The following SSBP2 variants were observed in gnomAD, a reference collection of about 807,000 sequenced individuals.
SSBP2 encodes the protein single-stranded DNA-binding protein 2.
SSBP2 carries 17 observed loss-of-function variants against 61.8 expected under a neutral mutation model. That is an observed-to-expected ratio of 0.28 (90% CI 0.19 to 0.41). SSBP2 has a LOEUF of 0.41. Ranked by LOEUF, SSBP2 falls within the 10% of genes least tolerant of loss-of-function variation. The probability of loss-of-function intolerance (pLI) is 1.00; values close to 1 mark genes in which losing one functional copy is unlikely to be tolerated. For missense variants in SSBP2, 310 were observed against 458.7 expected (o/e 0.68, Z 2.96); for synonymous variants, 139 against 141.3 (o/e 0.98, Z 0.12).
intron 4 of SSBP2, among the ~76,000 whole-genome samples, chr5:81,526,157 C>A (rs569011600): frequency 6.6e-5 from 10 of 152,082 alleles, no homozygotes; most frequent in African/African-American, 2.2e-4. Flanking sequence ...CATTGTTTCA[C>A]CTTTTTCTTT....
chr5:81,552,549 ACT>A (rs1017485917), intron 4 of SSBP2, among the ~76,000 whole-genome samples: 4 of 151,736 alleles, frequency 2.6e-5, no homozygotes, highest in Admixed American at 2.6e-4. Flanking sequence ...GAGGCACAAG[ACT>A]CACTTGAACC....
intron 1 of SSBP2, among the ~76,000 whole-genome samples, chr5:81,693,579 G>A (rs1036607112): frequency 5.3e-5 from 8 of 152,254 alleles, no homozygotes; most frequent in Middle Eastern, 6.8e-3. Flanking sequence ...ATGAAAAGGC[G>A]CTCAACATCA....
At chr5:81,629,878 ACTCT>A (rs1259198587) in intron 3 of SSBP2, among the ~76,000 whole-genome samples, 5 of 152,108 alleles carry the variant, frequency 3.3e-5, no homozygotes, top group Non-Finnish European at 7.3e-5. Context: ...TTTAAGATCT[ACTCT>A]CTTAGCAAAT....
At chr5:81,735,160 AAT>A (rs964289246) in intron 1 of SSBP2, among the ~76,000 whole-genome samples, 39 of 152,252 alleles carry the variant, frequency 2.6e-4, no homozygotes, top group African/African-American at 9.1e-4. Context: ...AATTATATTA[AAT>A]ATATAGAGAT....
intron 4 of SSBP2, among the ~76,000 whole-genome samples, chr5:81,547,648 T>G (rs1164412305): frequency 6.6e-6 from 1 of 152,144 alleles, no homozygotes; most frequent in African/African-American, 2.4e-5. Flanking sequence ...TTTGTTTTTA[T>G]TTTTTGTAGA....
chr5:81,479,349 G>C (rs1469638422), intron 6 of SSBP2, among the ~76,000 whole-genome samples: 1 of 151,944 alleles, frequency 6.6e-6, no homozygotes, highest in Non-Finnish European at 1.5e-5. Context: ...GGAGTGCAGT[G>C]GTGTGATCTT....
chr5:81,581,920 T>C (rs892483666), intron 4 of SSBP2, among the ~76,000 whole-genome samples: 1 of 152,242 alleles, frequency 6.6e-6, no homozygotes, highest in African/African-American at 2.4e-5. Flanking sequence ...CATTCAGAAA[T>C]TTAGATTTAA....
chr5:81,535,400 C>A (rs1770729036), intron 4 of SSBP2, among the ~76,000 whole-genome samples: 1 of 152,016 alleles, frequency 6.6e-6, no homozygotes, highest in Admixed American at 6.6e-5. Flanking sequence ...AATAAAAATA[C>A]AACGAACTTA....
intron 4 of SSBP2, among the ~76,000 whole-genome samples, chr5:81,595,607 A>G (rs2153535917): frequency 6.6e-6 from 1 of 152,314 alleles, no homozygotes; most frequent in South Asian, 2.1e-4. Context: ...ATACTGGCAA[A>G]CTGAATCCAG....
At chr5:81,645,390 GA>G (rs1366224234) in intron 2 of SSBP2, among the ~76,000 whole-genome samples, 2 of 152,264 alleles carry the variant, frequency 1.3e-5, no homozygotes, top group Admixed American at 1.3e-4. Flanking sequence ...GAATCCCTTA[GA>G]TGTTTTTAAG....
intron 12 of SSBP2, among the ~76,000 whole-genome samples, chr5:81,445,138 T>TATATACATATATATA (rs1453692261): frequency 2.4e-4 from 8 of 33,894 alleles, no homozygotes; most frequent in African/African-American, 7.2e-4. Context: ...AAAAAAAATT[T>TATATACATATATATA]TATATATATA....
At chr5:81,571,990 A>G (rs1428972568) in intron 4 of SSBP2, among the ~76,000 whole-genome samples, 1 of 152,176 alleles carries the variant, frequency 6.6e-6, no homozygotes, top group Admixed American at 6.5e-5. Flanking sequence ...TAGCTGCCTA[A>G]TAAAAAAGTT....
intron 6 of SSBP2, among the ~76,000 whole-genome samples, chr5:81,478,394 G>A (rs1174240308): frequency 6.6e-6 from 1 of 151,914 alleles, no homozygotes; most frequent in Admixed American, 6.6e-5. Flanking sequence ...AGGCTGGAGT[G>A]CAGTGGTGCA....
chr5:81,735,625 C>T (rs1033193643), intron 1 of SSBP2, among the ~76,000 whole-genome samples: 2 of 151,994 alleles, frequency 1.3e-5, no homozygotes, highest in Non-Finnish European at 2.9e-5. Flanking sequence ...TTTTGATTTT[C>T]GAATATTTTT....
At position 81,417,445 on chromosome 5, in the gene SSBP2, C is replaced by T. The variant is rs894344118; in HGVS notation, c.*3059G>A. 8 of 152,180 alleles carry T rather than the reference C, an allele frequency of 5.3e-5. No individual in the cohort carries two copies. Among genetic ancestry groups the T allele is most frequent in the African/African-American group, 1.9e-4 (8 of 41,438 alleles). 9.4% of individuals were successfully genotyped at this position (152,180 alleles called of 1,614,324 possible). ...CAGAGTAACAAGATTTTACCTACTG[C>T]TTACTTTTTCATTTTACATGTGTAT... On this transcript the variant is annotated 3_prime_UTR_variant, in exon 17 of 17. Transcript: ENST00000320672.
At chr5:81,751,577 C>T (rs971692881), upstream of SSBP2, 1 of 65,148 alleles carries the variant, frequency 1.5e-5, no homozygotes, top group South Asian at 2.2e-4. Context: ...CCCGCCGAGT[C>T]CACGACAGAG....
chr5:81,709,717 T>A (rs950832130), intron 1 of SSBP2, among the ~76,000 whole-genome samples: 3 of 151,906 alleles, frequency 2.0e-5, no homozygotes, highest in East Asian at 1.9e-4. Context: ...AAGAGAATTT[T>A]AAAAATATAT....
chr5:81,647,341 T>C (rs1440707544), intron 2 of SSBP2, among the ~76,000 whole-genome samples: 1 of 152,136 alleles, frequency 6.6e-6, no homozygotes, highest in Non-Finnish European at 1.5e-5. Flanking sequence ...CAAAAATATA[T>C]AGTATTACTT....
At position 81,608,550 on chromosome 5, in the gene SSBP2, A is replaced by C. The variant is rs921828597; in HGVS notation, c.282+6923T>G. 4.6e-5 allele frequency among the ~76,000 whole-genome samples: 7 copies of C among 152,282 alleles called. No homozygotes were observed. In the East Asian group the frequency reaches 5.8e-4, roughly 13 times the overall value. ...TACTAATGAGAATTTGGAAAACCTA[A>C]ATTTTCATGGTTAAACCACACTCAG... On this transcript the variant is annotated intron_variant, in intron 4 of 16. Coordinates refer to ENST00000320672, the MANE Select transcript of SSBP2 (RefSeq NM_012446.5).
Sources: gnomAD v4.1 joint callset for allele counts (sites outside exome capture counted in the v4.1 genomes callset) on GRCh38, gnomAD v4.1.1 for gene constraint, MANE v1.5 for transcripts, NCBI Gene and HGNC (gene_info 2026-07-23, HGNC 2026-07-21) for gene names.